The following SUN3 variants were observed in gnomAD, a reference collection of about 807,000 sequenced individuals.
SUN3 encodes SUN domain-containing protein 3.
SUN3 carries 36 observed loss-of-function variants against 48.2 expected under a neutral mutation model. That is an observed-to-expected ratio of 0.75 (90% CI 0.57 to 0.99). The LOEUF is 0.99. Among genes scored for constraint, SUN3 ranks in the 50% least tolerant of loss-of-function variants. The probability of loss-of-function intolerance (pLI) is 0.00; values close to 1 mark genes in which losing one functional copy is unlikely to be tolerated. For synonymous variants in SUN3, 148 were observed against 147.9 expected (o/e 1.00, Z 0.00); for missense variants, 419 against 433.1 (o/e 0.97, Z 0.29).
At chr7:48,031,109 A>G (rs1790251090), upstream of SUN3, among the ~76,000 whole-genome samples, 1 of 152,264 alleles carries the variant, frequency 6.6e-6, no homozygotes, top group Non-Finnish European at 1.5e-5. Context: ...TCAAAAGCAC[A>G]TGCAAAAATA....
intron 8 of SUN3, chr7:47,991,028 G>A (rs1341001063): frequency 4.4e-6 from 2 of 455,880 alleles, no homozygotes; most frequent in Admixed American, 2.4e-5. Context: ...TAACAAACCT[G>A]CACATATACC....
intron 8 of SUN3, 26 bp from the exon 9 acceptor site, chr7:47,988,906 G>C (rs758145250): frequency 3.0e-6 from 4 of 1,337,768 alleles, no homozygotes; most frequent in Non-Finnish European, 4.2e-6. Context: ...CAGATATAGA[G>C]ATTGTAATGA....
chr7:48,035,382 A>C, the SUN3 span: 1 of 614,634 alleles, frequency 1.6e-6, no homozygotes, highest in Non-Finnish European at 2.9e-6. This position sits in a 1 kb window ranked among gnomAD's most constrained non-coding sequence, Gnocchi z 4.0. Context: ...CGGGCAGTTG[A>C]CAGGCGGCGC....
rs55997019 is a variant in SUN3 at position 48,028,479 on chromosome 7, CAAAAAA to C, written c.122+332_122+337del. On this transcript the variant is annotated intron_variant, in intron 1 of 9. Transcript: ENST00000297325. ...AAGACTATACAAGCTAGCCCAATGA[CAAAAAA>C]AAAAAAAAAAAAAAAAAAAAAAAGT... Among the ~76,000 whole-genome samples the C allele has an allele frequency of 1.4e-3, 62 of 45,258 alleles. 1 individual carries two copies. The highest frequency in any genetic ancestry group is 1.5e-3 in the East Asian group (2 of 1,294). The allele number at this position is 45,258 out of a possible 152,430, so 29.7% of individuals were successfully genotyped here.
chr7:48,005,917 T>C lies in SUN3; in HGVS notation c.577+52A>G, dbSNP rs567277709. On this transcript the variant is annotated intron_variant, in intron 6 of 9. Transcript: ENST00000297325. ...CAAATGTAGAGAATAGGGACATTCC[T>C]GAAGCATTCTTTTTTTTTTAATGTT... The C allele has an allele frequency of 1.1e-3, 1,382 of 1,255,430 alleles. 2 individuals carry two copies. The highest frequency in any genetic ancestry group is 1.3e-3 in the Non-Finnish European group (1,172 of 876,224). 77.8% of individuals were successfully genotyped at this position (1,255,430 alleles called of 1,614,324 possible).
chr7:48,031,047 A>C (rs1247306243), upstream of SUN3, among the ~76,000 whole-genome samples: 1 of 152,246 alleles, frequency 6.6e-6, no homozygotes, highest in African/African-American at 2.4e-5. Context: ...GAAGAAAACA[A>C]GGAAAAAATC....
upstream of SUN3, among the ~76,000 whole-genome samples, chr7:48,032,091 CA>C (rs1436170956): frequency 1.3e-5 from 2 of 152,088 alleles, no homozygotes. Context: ...TGGGAGTTGC[CA>C]GTGGCTGATG....
intron 3 of SUN3, among the ~76,000 whole-genome samples, chr7:48,010,718 C>T (rs1212803806): frequency 1.3e-5 from 2 of 152,200 alleles, no homozygotes; most frequent in African/African-American, 2.4e-5. Flanking sequence ...AAAGCTCACA[C>T]TTCAGGCACC....
intron 8 of SUN3, among the ~76,000 whole-genome samples, chr7:47,990,496 G>A (rs149212030): frequency 1.3e-5 from 2 of 151,004 alleles, no homozygotes; most frequent in Non-Finnish European, 3.0e-5. Flanking sequence ...GTGCCGGCGC[G>A]GGTCCTCCGT....
chr7:48,035,608 C>A, the SUN3 span: 1 of 691,204 alleles, frequency 1.4e-6, no homozygotes, highest in Non-Finnish European at 2.6e-6. This position sits in a 1 kb window ranked among gnomAD's most constrained non-coding sequence, Gnocchi z 4.0. Flanking sequence ...CGGGCAGCAC[C>A]CACGGAGACC....
intron 6 of SUN3, among the ~76,000 whole-genome samples, chr7:48,000,518 A>G (rs1398494406): frequency 6.6e-6 from 1 of 152,194 alleles, no homozygotes. Context: ...TGTCATTTCT[A>G]TTGAGCTGAA....
At chr7:48,026,434 T>C (rs527341862) in intron 1 of SUN3, among the ~76,000 whole-genome samples, 2 of 152,240 alleles carry the variant, frequency 1.3e-5, no homozygotes, top group African/African-American at 2.4e-5. Flanking sequence ...TGAAGTACAG[T>C]ATGCTATACA....
upstream of SUN3, among the ~76,000 whole-genome samples, chr7:48,033,074 G>C (rs1241577294): frequency 6.6e-6 from 1 of 152,188 alleles, no homozygotes; most frequent in East Asian, 1.9e-4. Context: ...GAGAATGTTG[G>C]ATCTTTCTAA....
chr7:48,004,694 T>C (rs1474749299), intron 6 of SUN3, among the ~76,000 whole-genome samples: 2 of 152,218 alleles, frequency 1.3e-5, no homozygotes, highest in African/African-American at 4.8e-5. Context: ...GCTAGAAAAA[T>C]TGGGCTTCTT....
In SUN3 at chr7:48,006,019, T is replaced by C; in HGVS notation, c.527A>G (p.Lys176Arg). Residue 176 changes from lysine (K) to arginine (R), a missense_variant, in exon 6 of 10, where the codon AAG becomes AGG. Coordinates refer to ENST00000297325, the MANE Select transcript of SUN3 (RefSeq NM_001030019.2). Reference protein sequence around the residue: ...VSNLVNYVLKKLREDQVEMAD... With the variant: ...VSNLVNYVLKRLREDQVEMAD... ...CATCTCGACTTGGTCTTCTCTCAACTTTTTAAGTACATAATTGACCAAGTT... is the reference window on the plus strand; with the variant it reads ...CATCTCGACTTGGTCTTCTCTCAACCTTTTAAGTACATAATTGACCAAGTT... 1 of 1,613,262 alleles carries C rather than the reference T, an allele frequency of 6.2e-7. No individual in the cohort carries two copies. Among genetic ancestry groups the C allele is most frequent in the African/African-American group, 1.3e-5 (1 of 75,010 alleles).
chr7:47,993,409 T>A (rs1318199644), intron 8 of SUN3, among the ~76,000 whole-genome samples: 3 of 152,166 alleles, frequency 2.0e-5, no homozygotes. Context: ...ATAATTCAAA[T>A]GTCCATCAAC....
rs113311353 is a variant in SUN3 at position 48,029,045 on chromosome 7, T to C, written c.-107A>G. ...TATACATACAGTTTCTAAATTTGTT[T>C]TGTATAATGTCTTCTTCCTCCACGG... On this transcript the variant is annotated 5_prime_UTR_variant, in exon 1 of 10. Transcript: ENST00000297325. The C allele has an allele frequency of 5.6e-4, 838 of 1,493,844 alleles. 11 individuals carry two copies. In the African/African-American group the frequency reaches 0.01, roughly 19 times the overall value. The allele number at this position is 1,493,844 out of a possible 1,614,324, so 92.5% of individuals were successfully genotyped here.
At chr7:47,992,523 G>A (rs1341154388) in intron 8 of SUN3, among the ~76,000 whole-genome samples, 1 of 152,118 alleles carries the variant, frequency 6.6e-6, no homozygotes, top group African/African-American at 2.4e-5. Context: ...CTTCCAGAAG[G>A]TGGAACAAAA....
At chr7:47,989,291 C>T (rs1354226160) in intron 8 of SUN3, among the ~76,000 whole-genome samples, 2 of 152,190 alleles carry the variant, frequency 1.3e-5, no homozygotes, top group Non-Finnish European at 1.5e-5. Context: ...AAAAATGCGT[C>T]GCCATACTGA....
Sources: gnomAD v4.1 joint callset for allele counts (sites outside exome capture counted in the v4.1 genomes callset) on GRCh38, gnomAD v4.1.1 for gene constraint, Gnocchi (gnomAD v3.1) non-coding constraint, MANE v1.5 for transcripts, NCBI Gene and HGNC (gene_info 2026-07-23, HGNC 2026-07-21) for gene names.